HSDL2: variants seen among roughly 807,000 people sequenced by gnomAD.
HSDL2 encodes hydroxysteroid dehydrogenase like 2.
HSDL2 carries 27 observed loss-of-function variants against 46.3 expected under a neutral mutation model. That is an observed-to-expected ratio of 0.58 (90% CI 0.43 to 0.80). HSDL2 has a LOEUF of 0.80. Ranked by LOEUF, HSDL2 falls within the 30% of genes least tolerant of loss-of-function variation. The probability of loss-of-function intolerance (pLI) is 0.00; values close to 1 mark genes in which losing one functional copy is unlikely to be tolerated. For synonymous variants in HSDL2, 153 were observed against 163.6 expected, an observed-to-expected ratio of 0.94 and a Z score of 0.50; for missense variants, 451 against 502.7, an observed-to-expected ratio of 0.90 and a Z score of 0.98.
At chr9:112,387,880 C>T (rs1831251094) in intron 1 of HSDL2, among the ~76,000 whole-genome samples, 1 of 152,080 alleles carries the variant, frequency 6.6e-6, no homozygotes, top group South Asian at 2.1e-4. Flanking sequence ...AGCATTCAGC[C>T]AGGGGTGGTG....
chr9:112,397,122 T>C (rs966490360), intron 1 of HSDL2, among the ~76,000 whole-genome samples: 6 of 152,212 alleles, frequency 3.9e-5, no homozygotes, highest in Non-Finnish European at 5.9e-5. Flanking sequence ...TGGCTGCTTT[T>C]AAGTTTTTAA....
rs1278635129 is a variant in HSDL2 at position 112,459,432 on chromosome 9, T to C, written c.1016-17T>C. 4 of 1,612,202 alleles carry C rather than the reference T, an allele frequency of 2.5e-6. No homozygotes were observed. In the East Asian group the frequency reaches 8.9e-5, roughly 36 times the overall value. Reference sequence around the variant, plus strand: ...AGGGCTTCTATGACATTGATTTCTATATGTTTATCTCTCTAGGTGAAGATG... The same window carrying C: ...AGGGCTTCTATGACATTGATTTCTACATGTTTATCTCTCTAGGTGAAGATG... On this transcript the variant is annotated splice_polypyrimidine_tract_variant and intron_variant, in intron 9 of 10. Transcript: ENST00000398805.
chr9:112,448,227 T>C (rs960860956), intron 8 of HSDL2, among the ~76,000 whole-genome samples: 2 of 152,232 alleles, frequency 1.3e-5, no homozygotes, highest in Non-Finnish European at 2.9e-5. Context: ...CTTGTCTGCA[T>C]ATAATAATGT....
intron 4 of HSDL2, among the ~76,000 whole-genome samples, chr9:112,414,687 T>C (rs1831954030): frequency 6.6e-6 from 1 of 152,198 alleles, no homozygotes; most frequent in South Asian, 2.1e-4. Flanking sequence ...TTAGTTTGTT[T>C]CTTCTTGATG....
chr9:112,440,463 C>G (rs952606418), intron 7 of HSDL2, among the ~76,000 whole-genome samples: 1 of 151,982 alleles, frequency 6.6e-6, no homozygotes, highest in South Asian at 2.1e-4. Flanking sequence ...TCTCACTGTA[C>G]TACAGTTTTG....
At chr9:112,443,783 T>G (rs990623714) in intron 8 of HSDL2, among the ~76,000 whole-genome samples, 4 of 152,200 alleles carry the variant, frequency 2.6e-5, no homozygotes, top group African/African-American at 4.8e-5. Flanking sequence ...GTTTATTAAT[T>G]TATAACAAAG....
intron 1 of HSDL2, among the ~76,000 whole-genome samples, chr9:112,402,738 T>C (rs1483754050): frequency 1.3e-5 from 2 of 151,830 alleles, no homozygotes; most frequent in African/African-American, 4.8e-5. Flanking sequence ...CTGGCCAACA[T>C]GGTGAAATCA....
intron 10 of HSDL2, 132 bp downstream of exon 10, chr9:112,459,709 T>C (rs1833147849): frequency 4.3e-6 from 3 of 695,940 alleles, no homozygotes; most frequent in Admixed American, 2.5e-5. Context: ...TTGGGAAGGC[T>C]GTTCTTACTG....
Position 112,399,290 on chromosome 9 carries a change from G to A in HSDL2, c.18-4705G>A, listed in dbSNP as rs571062193. On this transcript the variant is annotated intron_variant, in intron 1 of 10. Coordinates refer to ENST00000398805, the MANE Select transcript of HSDL2 (RefSeq NM_032303.5). ...TTTTATTAAAGGTTTCAAAAGGGGA[G>A]GGGGTGTAAGAACAGGGAGTAGGTA... Among the ~76,000 whole-genome samples, 6 of 152,264 alleles carry A rather than the reference G, an allele frequency of 3.9e-5. No individual in the cohort carries two copies. In the East Asian group the frequency reaches 9.6e-4, roughly 24 times the overall value.
At chr9:112,406,050 A>T (rs1831718920) in intron 3 of HSDL2, among the ~76,000 whole-genome samples, 1 of 151,978 alleles carries the variant, frequency 6.6e-6, no homozygotes, top group Admixed American at 6.6e-5. Context: ...AATCCCAGCT[A>T]CTCAGGAGGC....
rs185500513 is a variant in HSDL2, at chr9:112,438,659, C to T, written c.793+34C>T. On this transcript the variant is annotated intron_variant, in intron 7 of 10. Transcript: ENST00000398805. ...TTTATAGTTTTTAAAAGTAGTGATA[C>T]GTTTTTCCATATTTTCTGCAATGAA... The T allele has an allele frequency of 3.2e-4, 401 of 1,267,100 alleles. 1 individual carries two copies. The highest frequency in any genetic ancestry group is 1.6e-3 in the Admixed American group (70 of 44,234). 78.5% of individuals were successfully genotyped at this position (1,267,100 alleles called of 1,614,324 possible).
intron 7 of HSDL2, 54 bp from the exon 8 acceptor site, chr9:112,441,645 A>T: frequency 8.4e-7 from 1 of 1,190,748 alleles, no homozygotes; most frequent in Non-Finnish European, 1.2e-6. Context: ...CAGATGTTAA[A>T]ATCTTACTAT....
At chr9:112,464,227 CACACACACACACACACA>C (rs1833308234) in intron 10 of HSDL2, among the ~76,000 whole-genome samples, 1 of 1,730 alleles carries the variant, frequency 5.8e-4, no homozygotes, top group Non-Finnish European at 1.3e-3. Context: ...CACACACAGA[CACACACACACACACACA>C]CACACACACA....
At chr9:112,454,954 C>T (rs1370414693) in intron 9 of HSDL2, among the ~76,000 whole-genome samples, 1 of 152,174 alleles carries the variant, frequency 6.6e-6, no homozygotes, top group Non-Finnish European at 1.5e-5. Flanking sequence ...AATCCTCCTG[C>T]CTCAGCCTCC....
At chr9:112,404,921 CAG>C (rs142281120) in intron 2 of HSDL2, among the ~76,000 whole-genome samples, 72,267 of 151,900 alleles carry the variant, frequency 0.48, 17,539 homozygotes, top group Admixed American at 0.55. Flanking sequence ...AAAAATAAAA[CAG>C]GGGACAGGAA....
intron 1 of HSDL2, among the ~76,000 whole-genome samples, chr9:112,387,833 A>G (rs1311626119): frequency 6.6e-6 from 1 of 152,122 alleles, no homozygotes. Context: ...CATAACCGGA[A>G]TCTAATCATG....
intron 6 of HSDL2, among the ~76,000 whole-genome samples, chr9:112,432,487 A>G (rs1391190699): frequency 6.6e-6 from 1 of 152,240 alleles, no homozygotes; most frequent in African/African-American, 2.4e-5. Flanking sequence ...AATGTGCAAT[A>G]TGATTACCTT....
chr9:112,416,631 TGC>T (rs1832002034), intron 4 of HSDL2, among the ~76,000 whole-genome samples: 3 of 44,954 alleles, frequency 6.7e-5, no homozygotes, highest in African/African-American at 2.8e-4. Context: ...GGCATGGTGG[TGC>T]TGCACACCTG....
At chr9:112,436,393 T>G (rs1832524646) in intron 6 of HSDL2, among the ~76,000 whole-genome samples, 1 of 152,074 alleles carries the variant, frequency 6.6e-6, no homozygotes, top group Admixed American at 6.6e-5. Context: ...TGAAGGTAGA[T>G]GCCTTATGTC....
Sources: allele counts gnomAD v4.1 joint callset (sites outside exome capture counted in the v4.1 genomes callset), GRCh38; gene constraint gnomAD v4.1.1; transcripts MANE v1.5; gene names NCBI Gene and HGNC (gene_info 2026-07-23, HGNC 2026-07-21).